Variants in ADARB2 observed in about 807,000 individuals in gnomAD.
ADARB2 encodes the protein inactive double-stranded RNA-specific editase B2.
ADARB2 carries 25 observed loss-of-function variants against 62.2 expected under a neutral mutation model. That is an observed-to-expected ratio of 0.40 (90% CI 0.29 to 0.56). ADARB2 has a LOEUF of 0.56. Ranked by LOEUF, ADARB2 falls within the 20% of genes least tolerant of loss-of-function variation. ADARB2 has a pLI of 0.43. For missense variants in ADARB2, 1,071 were observed against 1,077.4 expected (o/e 0.99, Z 0.08); for synonymous variants, 572 against 500.8 (o/e 1.14, Z -1.90).
At chr10:1,229,927 G>A (rs934274565) in intron 6 of ADARB2, among the ~76,000 whole-genome samples, 2 of 152,148 alleles carry the variant, frequency 1.3e-5, no homozygotes, top group African/African-American at 4.8e-5. Flanking sequence ...GCTAGCAGGC[G>A]TGGCCACTGT....
At chr10:1,503,024 T>C (rs1831784823) in intron 1 of ADARB2, among the ~76,000 whole-genome samples, 1 of 152,194 alleles carries the variant, frequency 6.6e-6, no homozygotes, top group Non-Finnish European at 1.5e-5. Flanking sequence ...CATTAAGGAA[T>C]AGCAATGAGA....
intron 1 of ADARB2, among the ~76,000 whole-genome samples, chr10:1,668,937 A>T (rs1173828575): frequency 6.6e-6 from 1 of 152,204 alleles, no homozygotes; most frequent in Non-Finnish European, 1.5e-5. Flanking sequence ...GTTAGGTGGC[A>T]CCAGCCCTGT....
intron 1 of ADARB2, among the ~76,000 whole-genome samples, chr10:1,573,933 C>A (rs1274011320): frequency 6.6e-6 from 1 of 152,232 alleles, no homozygotes; most frequent in Admixed American, 6.5e-5. Flanking sequence ...CCTGCTAACC[C>A]TCCATCTGTC....
chr10:1,590,439 A>G (rs944342643), intron 1 of ADARB2, among the ~76,000 whole-genome samples: 5 of 152,220 alleles, frequency 3.3e-5, no homozygotes, highest in Non-Finnish European at 4.4e-5. Context: ...TATGAATAAT[A>G]TATCCACATG....
At chr10:1,436,170 G>A (rs1830833429) in intron 1 of ADARB2, among the ~76,000 whole-genome samples, 2 of 152,174 alleles carry the variant, frequency 1.3e-5, no homozygotes, top group African/African-American at 4.8e-5. Flanking sequence ...ATGCTTGTGT[G>A]TGGGTGTACA....
chr10:1,544,956 T>TACACACACACAC (rs1554770300), intron 1 of ADARB2, among the ~76,000 whole-genome samples: 2,055 of 133,914 alleles, frequency 0.015, 36 homozygotes, highest in Non-Finnish European at 0.019. Context: ...TAGCAAAGTA[T>TACACACACACAC]ACACACACAC....
intron 1 of ADARB2, among the ~76,000 whole-genome samples, chr10:1,396,648 T>C (rs79575229): frequency 0.089 from 2,943 of 33,140 alleles, 65 homozygotes; most frequent in Middle Eastern, 0.17. Flanking sequence ...CCTGGGTCAC[T>C]GTCCTCCTCT....
chr10:1,542,970 C>T (rs939491632), intron 1 of ADARB2, among the ~76,000 whole-genome samples: 9 of 152,266 alleles, frequency 5.9e-5, no homozygotes, highest in Admixed American at 1.3e-4. Flanking sequence ...GACCCTGGAT[C>T]ACAGCTGTCC....
chr10:1,411,099 A>T (rs1832755576), intron 1 of ADARB2, among the ~76,000 whole-genome samples: 1 of 152,144 alleles, frequency 6.6e-6, no homozygotes, highest in African/African-American at 2.4e-5. Flanking sequence ...AGCCTTTGGG[A>T]CCAGGGCACG....
rs1316820886 is a variant in ADARB2 at position 1,604,167 on chromosome 10, A to G, written c.100+132884T>C. Among the ~76,000 whole-genome samples the G allele has an allele frequency of 2.0e-5, 3 of 152,308 alleles. No individual in the cohort carries two copies. The South Asian group carries it at 6.2e-4, about 32-fold the overall frequency. On this transcript the variant is annotated intron_variant, in intron 1 of 9. Coordinates refer to ENST00000381312, the MANE Select transcript of ADARB2 (RefSeq NM_018702.4). ...AGTCATCAATCAGCATTTACTATGA[A>G]TTTTTCAGAAAAATATATTTTTTTC...
intron 6 of ADARB2, among the ~76,000 whole-genome samples, chr10:1,222,381 T>A (rs906800762): frequency 6.6e-6 from 1 of 152,180 alleles, no homozygotes; most frequent in Non-Finnish European, 1.5e-5. Flanking sequence ...TTCACTCTGA[T>A]GTTAGTTTCT....
rs377359672 is a variant in ADARB2 at position 1,227,723 on chromosome 10, GGAGA to G, written c.1513+5967_1513+5970del. Among the ~76,000 whole-genome samples the G allele has an allele frequency of 8.7e-4, 133 of 152,232 alleles. 1 individual carries two copies. Among genetic ancestry groups the G allele is most frequent in the African/African-American group, 3.1e-3 (130 of 41,542 alleles). On this transcript the variant is annotated intron_variant, in intron 6 of 9. Coordinates refer to ENST00000381312, the MANE Select transcript of ADARB2 (RefSeq NM_018702.4). ...TGCATGGTTGCTACCATCACAAGGGGGAGAGAGAGCACCAAAAATGAAACAAACC... is the reference window on the plus strand; with the variant it reads ...TGCATGGTTGCTACCATCACAAGGGGGAGAGCACCAAAAATGAAACAAACC...
intron 3 of ADARB2, among the ~76,000 whole-genome samples, chr10:1,273,330 G>A (rs375639313): frequency 2.0e-5 from 3 of 152,072 alleles, no homozygotes; most frequent in African/African-American, 4.8e-5. Context: ...GCACTATCAC[G>A]GCTCACTGCA....
At chr10:1,188,963 C>A (rs1401650965) in intron 8 of ADARB2, among the ~76,000 whole-genome samples, 1 of 152,164 alleles carries the variant, frequency 6.6e-6, no homozygotes, top group African/African-American at 2.4e-5. Flanking sequence ...CACGCTGGGG[C>A]CCAGCCCTCC....
At chr10:1,306,545 A>G (rs930496200) in intron 3 of ADARB2, among the ~76,000 whole-genome samples, 4 of 151,784 alleles carry the variant, frequency 2.6e-5, no homozygotes, top group African/African-American at 9.7e-5. Flanking sequence ...TCTTCACAGA[A>G]TTGGAAAAAA....
chr10:1,347,947 TA>T (rs1002183858), intron 3 of ADARB2, among the ~76,000 whole-genome samples: 2 of 146,262 alleles, frequency 1.4e-5, no homozygotes, highest in African/African-American at 2.5e-5. Flanking sequence ...TAGAGAGAGA[TA>T]GGGGTGGAGA....
intron 4 of ADARB2, among the ~76,000 whole-genome samples, chr10:1,263,945 C>G (rs908795768): frequency 6.6e-6 from 1 of 152,202 alleles, no homozygotes; most frequent in East Asian, 1.9e-4. Context: ...ATTCACACTA[C>G]GCAAGGGTCA....
chr10:1,252,097 G>C (rs1831042250), intron 4 of ADARB2, among the ~76,000 whole-genome samples: 1 of 152,136 alleles, frequency 6.6e-6, no homozygotes, highest in Admixed American at 6.5e-5. Flanking sequence ...TCTGGGAATG[G>C]GCTTTTATTA....
At chr10:1,272,753 A>G (rs760429891) in intron 3 of ADARB2, among the ~76,000 whole-genome samples, 22 of 152,242 alleles carry the variant, frequency 1.4e-4, no homozygotes, top group Non-Finnish European at 5.9e-5. Context: ...GTCTGGAATC[A>G]GGTCCAGAGA....
Sources: gnomAD v4.1 joint callset for allele counts (sites outside exome capture counted in the v4.1 genomes callset) on GRCh38, gnomAD v4.1.1 for gene constraint, MANE v1.5 for transcripts, NCBI Gene and HGNC (gene_info 2026-07-23, HGNC 2026-07-21) for gene names.